Variants in GALNT7 observed in about 807,000 individuals in gnomAD.
GALNT7 encodes polypeptide N-acetylgalactosaminyltransferase 7, also known as N-acetylgalactosaminyltransferase 7.
In GALNT7, 60 loss-of-function variants were observed where a neutral mutation model predicts 82.1. The ratio of observed to expected loss-of-function variants is 0.73; its 90% CI spans 0.59 to 0.91. The LOEUF (loss-of-function observed/expected upper bound fraction) is 0.91, where lower values mean the gene tolerates loss of function less well. Among genes scored for constraint, GALNT7 ranks in the 40% least tolerant of loss-of-function variants. The pLI, the probability that GALNT7 is intolerant of heterozygous loss-of-function variation, is 0.00. For missense variants in GALNT7, 660 were observed against 804.2 expected (o/e 0.82, Z 2.17); for synonymous variants, 243 against 275.1 (o/e 0.88, Z 1.15).
chr4:173,175,346 G>C (rs1302480478), intron 1 of GALNT7, among the ~76,000 whole-genome samples: 1 of 152,208 alleles, frequency 6.6e-6, no homozygotes, highest in East Asian at 1.9e-4. Context: ...TTGCAAGTCC[G>C]ATGGAATCCC....
chr4:173,208,415 C>T (rs1046982863), intron 1 of GALNT7, among the ~76,000 whole-genome samples: 7 of 152,096 alleles, frequency 4.6e-5, no homozygotes, highest in Non-Finnish European at 1.5e-5. Flanking sequence ...GTTATTTATC[C>T]TTATGACTTG....
chr4:173,214,312 GACC>G (rs1561156914), intron 1 of GALNT7, among the ~76,000 whole-genome samples: 1 of 151,054 alleles, frequency 6.6e-6, no homozygotes, highest in East Asian at 1.9e-4. Context: ...ACCCTTAAGA[GACC>G]ACATTGTGGT....
At chr4:173,176,001 A>G (rs1376075403) in intron 1 of GALNT7, among the ~76,000 whole-genome samples, 1 of 152,108 alleles carries the variant, frequency 6.6e-6, no homozygotes, top group Non-Finnish European at 1.5e-5. Flanking sequence ...TGAAGCCAGG[A>G]GGCGGAGGTT....
intron 2 of GALNT7, among the ~76,000 whole-genome samples, chr4:173,289,683 C>G (rs1736465811): frequency 6.6e-6 from 1 of 152,164 alleles, no homozygotes; most frequent in Non-Finnish European, 1.5e-5. Flanking sequence ...TTCCATGGAG[C>G]CCACCATGTA....
chr4:173,318,269 A>G (rs1319114610), intron 10 of GALNT7, among the ~76,000 whole-genome samples, 162 bp from the exon 11 acceptor site: 1 of 152,268 alleles, frequency 6.6e-6, no homozygotes, highest in Non-Finnish European at 1.5e-5. Flanking sequence ...CACTAACATC[A>G]AAATAAATAT....
At chr4:173,242,015 A>G (rs987105638) in intron 1 of GALNT7, among the ~76,000 whole-genome samples, 4 of 152,170 alleles carry the variant, frequency 2.6e-5, no homozygotes, top group Admixed American at 2.0e-4. Flanking sequence ...CAGTGTTTCA[A>G]TCTGTAAAGT....
chr4:173,286,369 T>A (rs1201217492), intron 2 of GALNT7, among the ~76,000 whole-genome samples: 1 of 152,226 alleles, frequency 6.6e-6, no homozygotes, highest in African/African-American at 2.4e-5. Context: ...AGCCAGGGAC[T>A]TTCCTTAGAG....
chr4:173,223,775 A>G (rs1733714008), intron 1 of GALNT7, among the ~76,000 whole-genome samples: 1 of 152,210 alleles, frequency 6.6e-6, no homozygotes, highest in Non-Finnish European at 1.5e-5. Flanking sequence ...TTAATATTTT[A>G]ACAAATTTGG....
chr4:173,225,671 A>G (rs1733802907), intron 1 of GALNT7, among the ~76,000 whole-genome samples: 1 of 152,152 alleles, frequency 6.6e-6, no homozygotes, highest in Admixed American at 6.5e-5. Context: ...AAATATATGT[A>G]CTCTGCTTAA....
intron 1 of GALNT7, among the ~76,000 whole-genome samples, chr4:173,171,690 C>T (rs1038246725): frequency 1.3e-5 from 2 of 152,168 alleles, no homozygotes; most frequent in South Asian, 2.1e-4. Flanking sequence ...GAAAAATGAC[C>T]TTACATTTCC....
At chr4:173,237,898 G>C (rs1734289263) in intron 1 of GALNT7, among the ~76,000 whole-genome samples, 1 of 152,118 alleles carries the variant, frequency 6.6e-6, no homozygotes, top group South Asian at 2.1e-4. Flanking sequence ...ATTGGCACAA[G>C]CTGAAAGTTC....
At chr4:173,298,856 A>G (rs1736815133) in intron 6 of GALNT7, among the ~76,000 whole-genome samples, 3 of 152,256 alleles carry the variant, frequency 2.0e-5, no homozygotes, top group Admixed American at 6.5e-5. Context: ...AAAATGTTAC[A>G]TAGAATCCTT....
At chr4:173,303,960 T>C (rs1737052208) in intron 7 of GALNT7, 36 bp from the exon 8 acceptor site, 1 of 1,573,148 alleles carries the variant, frequency 6.4e-7, no homozygotes, top group Admixed American at 1.8e-5. Flanking sequence ...ATGTTTGTAT[T>C]TGAAACAACT....
At position 173,203,553 on chromosome 4, in the gene GALNT7, G is replaced by A. The variant is rs940633599; in HGVS notation, c.126+34592G>A. Reference sequence around the variant, plus strand: ...ATCCTTCATTCTGCTCTTCTCTCTTGCTATCTTTTTTATGATTAGGTGATT... The same window carrying A: ...ATCCTTCATTCTGCTCTTCTCTCTTACTATCTTTTTTATGATTAGGTGATT... On this transcript the variant is annotated intron_variant, in intron 1 of 11. Coordinates refer to ENST00000265000, the MANE Select transcript of GALNT7 (RefSeq NM_017423.3). 2.0e-5 allele frequency among the ~76,000 whole-genome samples: 3 copies of A among 152,040 alleles called. No homozygotes were observed. In the South Asian group the frequency reaches 6.2e-4, roughly 32 times the overall value.
chr4:173,174,109 G>A (rs889349090), intron 1 of GALNT7, among the ~76,000 whole-genome samples: 1 of 152,136 alleles, frequency 6.6e-6, no homozygotes, highest in African/African-American at 2.4e-5. Context: ...ATACACCTTA[G>A]GATTGGTTTT....
chr4:173,172,858 T>C (rs538364828), intron 1 of GALNT7, among the ~76,000 whole-genome samples: 104 of 152,260 alleles, frequency 6.8e-4, no homozygotes, highest in South Asian at 1.4e-3. Context: ...TCGTAGTCCA[T>C]GCTAAGGAGG....
intron 1 of GALNT7, among the ~76,000 whole-genome samples, chr4:173,170,917 T>C (rs1249016913): frequency 6.6e-6 from 1 of 152,232 alleles, no homozygotes; most frequent in East Asian, 1.9e-4. Context: ...AATGCCCATT[T>C]CAGTACTATA....
At chr4:173,306,914 C>T (rs1450478834) in intron 8 of GALNT7, among the ~76,000 whole-genome samples, 1 of 152,152 alleles carries the variant, frequency 6.6e-6, no homozygotes, top group South Asian at 2.1e-4. Context: ...TCACCTCTTG[C>T]GGACTTTACA....
intron 9 of GALNT7, chr4:173,317,233 T>C (rs1377313124): frequency 5.9e-6 from 1 of 170,142 alleles, no homozygotes; most frequent in Non-Finnish European, 1.3e-5. Context: ...TGCATAGCCA[T>C]TTGGGAGAGG....
Sources: gnomAD v4.1 joint callset for allele counts (sites outside exome capture counted in the v4.1 genomes callset) on GRCh38, gnomAD v4.1.1 for gene constraint, MANE v1.5 for transcripts, NCBI Gene and HGNC (gene_info 2026-07-23, HGNC 2026-07-21) for gene names.